Variants in ALMS1 observed in about 807,000 individuals in gnomAD.
ALMS1 encodes centrosome-associated protein ALMS1.
In ALMS1, 271 loss-of-function variants were observed where a neutral mutation model predicts 352.2. That is an observed-to-expected ratio of 0.77 (90% CI 0.70 to 0.85). ALMS1 has a LOEUF of 0.85. Among genes scored for constraint, ALMS1 ranks in the 40% least tolerant of loss-of-function variants. The probability of loss-of-function intolerance (pLI) is 0.00; values close to 1 mark genes in which losing one functional copy is unlikely to be tolerated. For missense variants in ALMS1, 5,445 were observed against 4,870.7 expected, an observed-to-expected ratio of 1.12 and a Z score of -3.51; for synonymous variants, 1,865 against 1,761.2, an observed-to-expected ratio of 1.06 and a Z score of -1.48.
intron 11 of ALMS1, among the ~76,000 whole-genome samples, chr2:73,520,910 CTT>C (rs1673661866): frequency 6.6e-6 from 1 of 152,064 alleles, no homozygotes; most frequent in African/African-American, 2.4e-5. Context: ...AAGATGGAGA[CTT>C]TACTAATTTT....
At chr2:73,517,616 T>C (rs534630797) in intron 10 of ALMS1, among the ~76,000 whole-genome samples, 6 of 152,230 alleles carry the variant, frequency 3.9e-5, no homozygotes, top group African/African-American at 1.2e-4. Flanking sequence ...ACCACTCTTC[T>C]AGCTTCTCCT....
intron 10 of ALMS1, among the ~76,000 whole-genome samples, chr2:73,508,207 CTTTT>C (rs562118895): frequency 1.9e-5 from 2 of 108,062 alleles, no homozygotes; most frequent in African/African-American, 7.0e-5. Context: ...TCTTCTTCTT[CTTTT>C]TTTTTTTTTT....
intron 15 of ALMS1, among the ~76,000 whole-genome samples, chr2:73,570,007 G>A (rs1674885211): frequency 6.6e-6 from 1 of 152,192 alleles, no homozygotes; most frequent in African/African-American, 2.4e-5. Context: ...GAAGGGACAG[G>A]AGACCTATTA....
At chr2:73,605,631 T>G (rs900885278) in intron 21 of ALMS1, among the ~76,000 whole-genome samples, 7 of 152,144 alleles carry the variant, frequency 4.6e-5, no homozygotes, top group African/African-American at 1.7e-4. Context: ...GGCAGATCAC[T>G]TGAGGTCAGG....
chr2:73,429,255 G>C (rs1382620061), intron 6 of ALMS1, among the ~76,000 whole-genome samples: 1 of 147,722 alleles, frequency 6.8e-6, no homozygotes, highest in African/African-American at 2.5e-5. Flanking sequence ...CCTTTTTCTT[G>C]GTAGCAGCAC....
chr2:73,478,938 T>G (rs1276331324), intron 9 of ALMS1, among the ~76,000 whole-genome samples: 1 of 151,900 alleles, frequency 6.6e-6, no homozygotes, highest in African/African-American at 2.4e-5. Flanking sequence ...GAACACGTGG[T>G]GTTTGGTTTT....
chr2:73,575,674 A>AT (rs1558700904), intron 16 of ALMS1, among the ~76,000 whole-genome samples: 1 of 151,762 alleles, frequency 6.6e-6, no homozygotes, highest in Non-Finnish European at 1.5e-5. Flanking sequence ...TGGCTGTTTG[A>AT]TTTTTTGGTT....
rs144588413 is a variant in ALMS1, at chr2:73,491,351, C to T, written c.9392C>T (p.Ser3131Phe). 5.6e-6 allele frequency: 9 copies of T among 1,614,076 alleles called. No homozygotes were observed. Among genetic ancestry groups the T allele is most frequent in the African/African-American group, 5.3e-5 (4 of 74,932 alleles). The change falls in exon 10 of 23, where the codon TCT (serine) becomes TTT (phenylalanine). Residue 3131 changes from serine (S) to phenylalanine (F), a missense_variant. Transcript: ENST00000613296. ...CTGGATTTCCAAGTCGTACAGCCTTCTCTTCCAGACAGTAACACTATTACT... is the reference window on the plus strand; with the variant it reads ...CTGGATTTCCAAGTCGTACAGCCTTTTCTTCCAGACAGTAACACTATTACT... ...SSLDFQVVQP[S>F]LPDSNTITQD...
At chr2:73,493,792 T>G (rs1331872202) in intron 10 of ALMS1, among the ~76,000 whole-genome samples, 1 of 152,188 alleles carries the variant, frequency 6.6e-6, no homozygotes, top group African/African-American at 2.4e-5. Context: ...ATATTCAAAC[T>G]TTTTCATTTT....
At chr2:73,529,621 A>G (rs962069169) in intron 11 of ALMS1, among the ~76,000 whole-genome samples, 2 of 152,192 alleles carry the variant, frequency 1.3e-5, no homozygotes, top group South Asian at 2.1e-4. Flanking sequence ...CACTGTAGCC[A>G]TATCTCCATT....
chr2:73,399,388 G>T (rs919832824), intron 1 of ALMS1, among the ~76,000 whole-genome samples: 8 of 152,148 alleles, frequency 5.3e-5, no homozygotes, highest in Non-Finnish European at 1.2e-4. Flanking sequence ...TGGTTCTGCA[G>T]AGTATGAGAA....
chr2:73,478,656 GTTTATTTA>G (rs70965737), intron 9 of ALMS1, among the ~76,000 whole-genome samples: 115 of 150,110 alleles, frequency 7.7e-4, no homozygotes, highest in Non-Finnish European at 8.6e-4. Context: ...TAATTTATTC[GTTTATTTA>G]TTTATTTATT....
chr2:73,385,979 G>T lies in ALMS1; in HGVS notation c.111G>T (p.Val37=), dbSNP rs1394882288. ...EEAAAAAAAN[V]DDVVVVEEVE... ...CTGCAGCGGCGGCGGCGGCGAACGTGGACGACGTAGTGGTCGTGGAGGAGG... is the reference window on the plus strand; with the variant it reads ...CTGCAGCGGCGGCGGCGGCGAACGTTGACGACGTAGTGGTCGTGGAGGAGG... Residue 37 remains valine (V), a synonymous_variant, in exon 1 of 23, where the codon GTG becomes GTT. Coordinates refer to ENST00000613296, the MANE Select transcript of ALMS1 (RefSeq NM_001378454.1). The T allele has an allele frequency of 6.5e-7, 1 of 1,542,560 alleles. No homozygotes were observed. The highest frequency in any genetic ancestry group is 1.2e-5 in the South Asian group (1 of 83,342).
intron 2 of ALMS1, among the ~76,000 whole-genome samples, chr2:73,412,481 C>A (rs922356654): frequency 6.6e-6 from 1 of 152,124 alleles, no homozygotes; most frequent in African/African-American, 2.4e-5. Context: ...CATACTGCTT[C>A]ATTTCTCTTG....
intron 6 of ALMS1, among the ~76,000 whole-genome samples, 195 bp from the exon 7 acceptor site, chr2:73,432,003 A>C (rs1252180414): frequency 6.6e-6 from 1 of 152,194 alleles, no homozygotes; most frequent in Non-Finnish European, 1.5e-5. Context: ...ATGAATTCAG[A>C]AGGTTTGAGA....
chr2:73,449,229 C>G lies in ALMS1; in HGVS notation c.2702C>G (p.Pro901Arg). The G allele has an allele frequency of 6.2e-7, 1 of 1,614,094 alleles. No individual in the cohort carries two copies. ...CCAGGTGATCAGAAGACTGGGATAC[C>G]CTCAGCACCATCTAGTTTCTACTCA... ...PGPGDQKTGI[P>R]SAPSSFYSHR... The change falls in exon 8 of 23, where the codon CCC (proline) becomes CGC (arginine). Residue 901 changes from proline to arginine, a missense_variant. Transcript: ENST00000613296.
intron 15 of ALMS1, among the ~76,000 whole-genome samples, chr2:73,571,294 C>CT (rs1674921491): frequency 6.6e-6 from 1 of 152,182 alleles, no homozygotes; most frequent in African/African-American, 2.4e-5. Context: ...ATGTAGAACT[C>CT]TAAAACAGTG....
Position 73,450,857 on chromosome 2 carries a change from C to A in ALMS1, c.4330C>A (p.Pro1444Thr). The change falls in exon 8 of 23, where the codon CCA becomes ACA. Residue 1444 changes from proline (P) to threonine (T), a missense_variant. Pro to Thr is a conservative substitution (Grantham distance 38). Coordinates refer to ENST00000613296, the MANE Select transcript of ALMS1 (RefSeq NM_001378454.1). ...KPGSFYQQVLPHSHLPEEALE... is the reference protein window; with the variant it reads ...KPGSFYQQVLTHSHLPEEALE... ...TGGTAGTTTCTACCAACAGGTCTTG[C>A]CACATAGTCATCTACCTGAAGAGGC... 6 of 1,614,148 alleles carry A rather than the reference C, an allele frequency of 3.7e-6. No homozygotes were observed. Among genetic ancestry groups the A allele is most frequent in the Non-Finnish European group, 5.1e-6 (6 of 1,180,014 alleles).
intron 11 of ALMS1, among the ~76,000 whole-genome samples, chr2:73,523,236 A>G (rs1673721064): frequency 6.6e-6 from 1 of 152,202 alleles, no homozygotes; most frequent in African/African-American, 2.4e-5. Context: ...TTTTCAGTAA[A>G]TAGCTTGCTC....
Sources: allele counts gnomAD v4.1 joint callset (sites outside exome capture counted in the v4.1 genomes callset), GRCh38; gene constraint gnomAD v4.1.1; transcripts MANE v1.5; gene names NCBI Gene and HGNC (gene_info 2026-07-23, HGNC 2026-07-21).